The following NLRP14 variants were observed in gnomAD, a reference collection of about 807,000 sequenced individuals.
NLRP14 encodes NLR family pyrin domain containing 14.
Under a neutral mutation model 94.7 loss-of-function variants are expected in NLRP14, and 105 were observed. That is an observed-to-expected ratio of 1.11 (90% CI 0.95 to 1.30). The LOEUF is 1.30. NLRP14 is among the 50% of genes most tolerant of loss of function. The pLI is 0.00. For missense variants in NLRP14, 1,362 were observed against 1,254.1 expected (o/e 1.09, Z -1.30); for synonymous variants, 508 against 459.9 (o/e 1.10, Z -1.34).
At chr11:7,024,445 T>C (rs1851986952) in intron 1 of NLRP14, among the ~76,000 whole-genome samples, 1 of 152,210 alleles carries the variant, frequency 6.6e-6, no homozygotes. Context: ...TCCCATATCC[T>C]GGTTTCAGCT....
At chr11:7,037,222 G>T (rs761317445) in intron 1 of NLRP14, among the ~76,000 whole-genome samples, 3 of 152,120 alleles carry the variant, frequency 2.0e-5, no homozygotes, top group Non-Finnish European at 4.4e-5. Flanking sequence ...TATAGGACTT[G>T]TTTTTGTCAG....
intron 1 of NLRP14, among the ~76,000 whole-genome samples, chr11:7,030,616 T>C (rs919888441): frequency 2.0e-5 from 3 of 151,988 alleles, no homozygotes; most frequent in African/African-American, 7.3e-5. Context: ...TTGTGCCCCT[T>C]CAACAGAATG....
At chr11:7,033,238 C>T (rs553380742) in intron 1 of NLRP14, among the ~76,000 whole-genome samples, 1 of 152,278 alleles carries the variant, frequency 6.6e-6, no homozygotes, top group South Asian at 2.1e-4. Flanking sequence ...TCCTGGTATA[C>T]CTACACACAT....
the NLRP14 span, among the ~76,000 whole-genome samples, chr11:7,082,616 T>C: frequency 2.6e-5 from 4 of 152,322 alleles, no homozygotes; most frequent in East Asian, 3.9e-4. Flanking sequence ...TAAAGTACTA[T>C]TGAGTTTCCG....
intron 1 of NLRP14, among the ~76,000 whole-genome samples, chr11:7,023,987 A>G (rs182009586): frequency 6.6e-6 from 1 of 152,302 alleles, no homozygotes; most frequent in African/African-American, 2.4e-5. Context: ...TTACATTTCA[A>G]CAGGAGATTT....
chr11:7,089,825 C>G, the NLRP14 span: 1 of 1,609,376 alleles, frequency 6.2e-7, no homozygotes, highest in Non-Finnish European at 8.5e-7. Context: ...CCCCCTCGCC[C>G]GGAGAGTACA....
Position 7,043,222 on chromosome 11 carries a change from T to C in NLRP14, c.1196T>C (p.Leu399Pro). Residue 399 changes from leucine to proline, a missense_variant, in exon 4 of 12, where the codon CTG becomes CCG. Physicochemically the swap from Leu to Pro is moderately conservative, Grantham distance 98. Coordinates refer to ENST00000299481, the MANE Select transcript of NLRP14 (RefSeq NM_176822.4). ...TTGACCTGCCAAACAACCACAGCTCTGTTTACCTGCTATATTTCTAGCTTG... is the reference window on the plus strand; with the variant it reads ...TTGACCTGCCAAACAACCACAGCTCCGTTTACCTGCTATATTTCTAGCTTG... Reference protein sequence around the residue: ...VTLTCQTTTALFTCYISSLFT... With the variant: ...VTLTCQTTTAPFTCYISSLFT... The C allele has an allele frequency of 6.2e-7, 1 of 1,614,182 alleles. No homozygotes were observed. Among genetic ancestry groups the C allele is most frequent in the Non-Finnish European group, 8.5e-7 (1 of 1,180,028 alleles).
At position 7,051,849 on chromosome 11, in the gene NLRP14, C is replaced by T. The variant is rs532213023; in HGVS notation, c.2291+2011C>T. 3.9e-5 allele frequency among the ~76,000 whole-genome samples: 6 copies of T among 152,300 alleles called. No individual in the cohort carries two copies. The South Asian group carries it at 1.2e-3, about 32-fold the overall frequency. ...TGTTGGCCAGGATGGTCTCGATCTC[C>T]TGACCTTGTGATCCGCCTGCCTTGG... On this transcript the variant is annotated intron_variant, in intron 6 of 11. Coordinates refer to ENST00000299481, the MANE Select transcript of NLRP14 (RefSeq NM_176822.4).
intron 7 of NLRP14, 60 bp from the exon 8 acceptor site, chr11:7,058,220 G>C (rs1286376217): frequency 7.0e-7 from 1 of 1,424,718 alleles, no homozygotes; most frequent in Non-Finnish European, 9.9e-7. Context: ...CCCTGTGAAG[G>C]AGAAGAGAAG....
rs1852218008 is a variant in NLRP14, at chr11:7,039,719, G to T, written c.295G>T (p.Ala99Ser). Residue 99 changes from alanine (A) to serine (S), a missense_variant, in exon 3 of 12, where the codon GCC (alanine) becomes TCC (serine). By Grantham distance (99) the Ala-to-Ser change is moderately conservative. Transcript: ENST00000299481. ...CCTATCGGAACCTGTTGCAGGGTCG[G>T]CCCAGACTATAGGACCAGATGATGC... is the stretch of plus-strand genomic sequence containing the variant. The part of the protein sequence containing the change: ...ERAKEEINWS[A>S]QTIGPDDAKA... The T allele has an allele frequency of 6.2e-7, 1 of 1,613,242 alleles. No homozygotes were observed. Among genetic ancestry groups the T allele is most frequent in the African/African-American group, 1.3e-5 (1 of 74,896 alleles).
At chr11:7,058,678 A>G (rs1852559965) in intron 8 of NLRP14, among the ~76,000 whole-genome samples, 1 of 151,876 alleles carries the variant, frequency 6.6e-6, no homozygotes, top group African/African-American at 2.4e-5. Flanking sequence ...TGTCAAATTG[A>G]CCACCCAATT....
intron 6 of NLRP14, among the ~76,000 whole-genome samples, chr11:7,054,618 G>A (rs1809757885): frequency 6.6e-6 from 1 of 151,962 alleles, no homozygotes; most frequent in Admixed American, 6.6e-5. Context: ...TATCTATTCA[G>A]ATCTCTTGCC....
intron 1 of NLRP14, among the ~76,000 whole-genome samples, chr11:7,021,164 A>G (rs965594903): frequency 2.6e-5 from 4 of 152,226 alleles, no homozygotes; most frequent in Non-Finnish European, 5.9e-5. Flanking sequence ...CACTTACGAG[A>G]TCTTGGCTGG....
chr11:7,025,844 A>T (rs565440984), intron 1 of NLRP14, among the ~76,000 whole-genome samples: 2 of 152,294 alleles, frequency 1.3e-5, no homozygotes, highest in African/African-American at 4.8e-5. Context: ...GTACTTGATT[A>T]AAAAAATACA....
intron 6 of NLRP14, among the ~76,000 whole-genome samples, chr11:7,056,515 CAAAAAA>C (rs60703550): frequency 2.4e-5 from 3 of 122,864 alleles, no homozygotes; most frequent in Admixed American, 8.5e-5. Flanking sequence ...AGCACTAATA[CAAAAAA>C]AAAAAAAAAA....
Position 7,042,388 on chromosome 11 carries a change from G to C in NLRP14, c.362G>C (p.Gly121Ala), listed in dbSNP as rs757575343. ...TTTTACCTTTGCCATTCTGACTTAGGTGATGGAACAGAATACAGAAATAGA... is the reference window on the plus strand; with the variant it reads ...TTTTACCTTTGCCATTCTGACTTAGCTGATGGAACAGAATACAGAAATAGA... The part of the protein sequence containing the change: ...ETQEDQEAVL[G>A]DGTEYRNRIK... The change falls in exon 4 of 12, where the codon GGT becomes GCT. Residue 121 changes from glycine (G) to alanine (A), a missense_variant and splice_region_variant. By Grantham distance (60) the Gly-to-Ala change is moderately conservative. Transcript: ENST00000299481. 6.2e-7 allele frequency: 1 copy of C among 1,612,892 alleles called. No individual in the cohort carries two copies. The highest frequency in any genetic ancestry group is 1.1e-5 in the South Asian group (1 of 90,998).
intron 1 of NLRP14, among the ~76,000 whole-genome samples, chr11:7,030,998 A>C (rs1419125182): frequency 3.9e-5 from 6 of 152,188 alleles, no homozygotes; most frequent in Admixed American, 3.9e-4. Flanking sequence ...AGCCAATGGG[A>C]AGAGAGATTC....
chr11:7,069,114 A>G (rs1852751546), intron 10 of NLRP14, among the ~76,000 whole-genome samples: 1 of 152,134 alleles, frequency 6.6e-6, no homozygotes, highest in African/African-American at 2.4e-5. Flanking sequence ...TGTCTTCTAT[A>G]TTTTGAGACT....
intron 5 of NLRP14, among the ~76,000 whole-genome samples, chr11:7,049,122 A>T (rs1852402886): frequency 6.6e-6 from 1 of 152,134 alleles, no homozygotes; most frequent in South Asian, 2.1e-4. Flanking sequence ...ACTATAGAAG[A>T]ATCAGAAATA....
Sources: gnomAD v4.1 joint callset for allele counts (sites outside exome capture counted in the v4.1 genomes callset) on GRCh38, gnomAD v4.1.1 for gene constraint, MANE v1.5 for transcripts, NCBI Gene and HGNC (gene_info 2026-07-23, HGNC 2026-07-21) for gene names.